The following SLC47A1 variants were observed in gnomAD, a reference collection of about 807,000 sequenced individuals.
SLC47A1 encodes multidrug and toxin extrusion protein 1.
A neutral mutation model predicts 65.8 loss-of-function variants in SLC47A1; 58 were observed. The observed-to-expected ratio is 0.88, with a 90% CI of 0.71 to 1.10. The LOEUF (loss-of-function observed/expected upper bound fraction) is 1.10, where lower values mean the gene tolerates loss of function less well. SLC47A1 is among the 50% of genes least tolerant of loss of function. The pLI is 0.00. For missense variants in SLC47A1, 706 were observed against 719.2 expected (o/e 0.98, Z 0.21); for synonymous variants, 285 against 295.0 (o/e 0.97, Z 0.35).
At chr17:19,566,027 T>C (rs2084355128) in intron 12 of SLC47A1, among the ~76,000 whole-genome samples, 1 of 152,214 alleles carries the variant, frequency 6.6e-6, no homozygotes, top group Non-Finnish European at 1.5e-5. Context: ...CTGTGTGTGC[T>C]TTCCACCCGC....
intron 2 of SLC47A1, 109 bp from the exon 3 acceptor site, chr17:19,546,326 T>G: frequency 9.1e-7 from 1 of 1,097,002 alleles, no homozygotes; most frequent in Non-Finnish European, 1.4e-6. Context: ...AAAATTGACT[T>G]GTGAATGCTG....
At chr17:19,575,878 C>G (rs2084435874) in intron 16 of SLC47A1, among the ~76,000 whole-genome samples, 1 of 152,090 alleles carries the variant, frequency 6.6e-6, no homozygotes, top group East Asian at 1.9e-4. Context: ...TTTAACCATG[C>G]AAAAGGGAAG....
chr17:19,563,255 C>A (rs568023069), intron 12 of SLC47A1, among the ~76,000 whole-genome samples: 57 of 150,902 alleles, frequency 3.8e-4, no homozygotes, highest in African/African-American at 1.3e-3. Context: ...GCCTCAGCCT[C>A]CCAAGTAGCT....
intron 1 of SLC47A1, among the ~76,000 whole-genome samples, chr17:19,537,462 G>T (rs1916021077): frequency 1.3e-5 from 2 of 152,208 alleles, no homozygotes; most frequent in African/African-American, 4.8e-5. Flanking sequence ...CCCGAGGAGG[G>T]GAAGACCTAC....
chr17:19,554,487 A>G (rs139832109), intron 6 of SLC47A1, among the ~76,000 whole-genome samples: 9 of 152,344 alleles, frequency 5.9e-5, no homozygotes, highest in African/African-American at 2.2e-4. Flanking sequence ...GTCTGATTTT[A>G]GACAACAAAG....
In SLC47A1 at chr17:19,534,059, C is replaced by G. The variant is rs1458776678; in HGVS notation, c.120C>G (p.Val40=). ...GAGAAGAGCTGCGGGCGCTCTTGGT[C>G]CTGGCTGGCCCCGCGGTGAGTAAGG... ...AFREELRALL[V]LAGPAFLVQL... is the part of the protein sequence containing the mutation. The change falls in exon 1 of 17, where the codon GTC becomes GTG. Residue 40 remains valine (V), a synonymous_variant. Coordinates refer to ENST00000270570, the MANE Select transcript of SLC47A1 (RefSeq NM_018242.3). 6.5e-7 allele frequency: 1 copy of G among 1,543,468 alleles called. No homozygotes were observed. The highest frequency in any genetic ancestry group is 2.0e-5 in the Admixed American group (1 of 50,632).
At chr17:19,576,388 G>C (rs1475092281) in intron 16 of SLC47A1, among the ~76,000 whole-genome samples, 1 of 127,926 alleles carries the variant, frequency 7.8e-6, no homozygotes, top group Non-Finnish European at 1.6e-5. Context: ...GTCTCTCTCT[G>C]TCACTCAGGC....
intron 2 of SLC47A1, among the ~76,000 whole-genome samples, chr17:19,544,001 T>A (rs1916222640): frequency 6.6e-6 from 1 of 152,178 alleles, no homozygotes; most frequent in Non-Finnish European, 1.5e-5. Flanking sequence ...TGTCGCCCGG[T>A]CTGGAGTGCA....
chr17:19,542,642 C>A, intron 2 of SLC47A1, 148 bp downstream of exon 2: 1 of 586,342 alleles, frequency 1.7e-6, no homozygotes, highest in Non-Finnish European at 2.8e-6. Flanking sequence ...AAGTGGGTTT[C>A]ATGGCCTAAA....
chr17:19,567,229 G>A lies in SLC47A1; in HGVS notation c.1309+1G>A, dbSNP rs1370693362. On this transcript the variant is annotated splice_donor_variant, in intron 14 of 16. Coordinates refer to ENST00000270570, the MANE Select transcript of SLC47A1 (RefSeq NM_018242.3). LOFTEE classifies it high-confidence loss of function. ...TTTGCAACCACACTTGGAGTGATGG[G>A]TAAGCTCTAACCTCTGCAGGCAGGG... 3.7e-6 allele frequency: 6 copies of A among 1,614,058 alleles called. No homozygotes were observed. The highest frequency in any genetic ancestry group is 4.5e-5 in the East Asian group (2 of 44,894).
intron 12 of SLC47A1, among the ~76,000 whole-genome samples, chr17:19,566,019 G>C (rs1020931166): frequency 2.0e-5 from 3 of 152,200 alleles, no homozygotes; most frequent in African/African-American, 7.2e-5. Context: ...TCTCCACGCT[G>C]TGTGTGCTTT....
intron 6 of SLC47A1, 113 bp from the exon 7 acceptor site, chr17:19,555,099 T>G: frequency 1.1e-6 from 1 of 906,238 alleles, no homozygotes; most frequent in Non-Finnish European, 1.8e-6. Context: ...GCCCCCCAGC[T>G]ATGCCTGTGA....
intron 10 of SLC47A1, among the ~76,000 whole-genome samples, chr17:19,558,871 A>G (rs1319981074): frequency 6.6e-6 from 1 of 152,120 alleles, no homozygotes. Context: ...TTGTGAATTT[A>G]TAGGCAGAGA....
intron 1 of SLC47A1, among the ~76,000 whole-genome samples, chr17:19,541,311 G>A (rs1916143205): frequency 6.6e-6 from 1 of 152,168 alleles, no homozygotes; most frequent in South Asian, 2.1e-4. Context: ...CTCCTAGGGA[G>A]CAGGGGTCAG....
intron 1 of SLC47A1, among the ~76,000 whole-genome samples, chr17:19,537,148 C>A (rs922914846): frequency 1.3e-5 from 2 of 152,214 alleles, no homozygotes; most frequent in African/African-American, 4.8e-5. Flanking sequence ...CCGGGCATTG[C>A]CCGGGATGTA....
At position 19,544,637 on chromosome 17, in the gene SLC47A1, G is replaced by A. The variant is rs1263559192; in HGVS notation, c.238-1798G>A. On this transcript the variant is annotated intron_variant, in intron 2 of 16. Coordinates refer to ENST00000270570, the MANE Select transcript of SLC47A1 (RefSeq NM_018242.3). Reference sequence around the variant, plus strand: ...CCTGGAAAGCCTCTGGCACTAGTCCGGACTTCAGACCGCCTCTGCACTCCC... The same window carrying A: ...CCTGGAAAGCCTCTGGCACTAGTCCAGACTTCAGACCGCCTCTGCACTCCC... 2.6e-5 allele frequency among the ~76,000 whole-genome samples: 4 copies of A among 152,218 alleles called. No individual in the cohort carries two copies. In the East Asian group the frequency reaches 5.8e-4, roughly 22 times the overall value.
Position 19,577,987 on chromosome 17 carries a change from A to ATT in SLC47A1, c.*443_*444dup. The ATT allele has an allele frequency of 8.3e-7, 1 of 1,206,920 alleles. No individual in the cohort carries two copies. Among genetic ancestry groups the ATT allele is most frequent in the Non-Finnish European group, 1.1e-6 (1 of 928,972 alleles). The allele number at this position is 1,206,920 out of a possible 1,614,324, so 74.8% of individuals were successfully genotyped here. ...GCAAATGGTATTTGTTTTTGTTTTA[A>ATT]TTTTTTTTTTAATAGACGGAAGTCT... On this transcript the variant is annotated 3_prime_UTR_variant, in exon 17 of 17. Coordinates refer to ENST00000270570, the MANE Select transcript of SLC47A1 (RefSeq NM_018242.3).
chr17:19,548,535 C>A (rs1209969959), intron 4 of SLC47A1, among the ~76,000 whole-genome samples: 6 of 149,264 alleles, frequency 4.0e-5, no homozygotes, highest in Non-Finnish European at 5.9e-5. Context: ...AGTCTCACTC[C>A]GTCCCCCAGA....
chr17:19,577,852 T>G lies in SLC47A1; in HGVS notation c.*299T>G, dbSNP rs909485223. 2.4e-6 allele frequency: 3 copies of G among 1,267,822 alleles called. No individual in the cohort carries two copies. Among genetic ancestry groups the G allele is most frequent in the Non-Finnish European group, 3.0e-6 (3 of 995,794 alleles). 78.5% of individuals were successfully genotyped at this position (1,267,822 alleles called of 1,614,324 possible). Reference sequence around the variant, plus strand: ...AATGGCTTTGATACTTCTGCTATTTTTTTAGACACAAACCCATAAACTAAC... The same window carrying G: ...AATGGCTTTGATACTTCTGCTATTTGTTTAGACACAAACCCATAAACTAAC... On this transcript the variant is annotated 3_prime_UTR_variant, in exon 17 of 17. Transcript: ENST00000270570.
Sources: gnomAD v4.1 joint callset for allele counts (sites outside exome capture counted in the v4.1 genomes callset) on GRCh38, gnomAD v4.1.1 for gene constraint, MANE v1.5 for transcripts, NCBI Gene and HGNC (gene_info 2026-07-23, HGNC 2026-07-21) for gene names.